HAUS6: variants seen among roughly 807,000 people sequenced by gnomAD.
HAUS6 encodes HAUS augmin-like complex subunit 6.
Under a neutral mutation model 106.8 loss-of-function variants are expected in HAUS6, and 80 were observed. The observed-to-expected ratio is 0.75, with a 90% CI of 0.63 to 0.90. The LOEUF is 0.90. HAUS6 is among the 40% of genes least tolerant of loss of function. HAUS6 has a pLI of 0.00. For missense variants in HAUS6, 1,155 were observed against 1,118.1 expected (o/e 1.03, Z -0.47); for synonymous variants, 356 against 379.1 (o/e 0.94, Z 0.71).
chr9:19,089,323 G>GA, intron 5 of HAUS6, 89 bp downstream of exon 5: 1 of 801,316 alleles, frequency 1.2e-6, no homozygotes, highest in Non-Finnish European at 2.0e-6. Flanking sequence ...AGGTTTTCAG[G>GA]TAGGCATGGA....
At chr9:19,094,451 AGCCTC>A in intron 2 of HAUS6, 56 bp from the exon 3 acceptor site, 1 of 993,266 alleles carries the variant, frequency 1.0e-6, no homozygotes, top group South Asian at 1.4e-5. Context: ...CAAAAAAAAA[AGCCTC>A]AGCAAATTTT....
intron 14 of HAUS6, among the ~76,000 whole-genome samples, chr9:19,060,479 G>A (rs1172965282): frequency 1.3e-5 from 2 of 152,200 alleles, no homozygotes; most frequent in South Asian, 2.1e-4. Context: ...GAATAGATAA[G>A]AATCTTTATG....
At chr9:19,075,586 G>C (rs1480850651) in intron 11 of HAUS6, among the ~76,000 whole-genome samples, 1 of 152,000 alleles carries the variant, frequency 6.6e-6, no homozygotes. Context: ...AAAGAAGCCA[G>C]AAACAACAGG....
intron 11 of HAUS6, chr9:19,073,867 TTA>T (rs2131121096): frequency 6.6e-6 from 1 of 152,204 alleles, no homozygotes; most frequent in African/African-American, 2.4e-5. Context: ...TGCACATATA[TTA>T]AAATTGGAAC....
intron 11 of HAUS6, among the ~76,000 whole-genome samples, chr9:19,075,120 T>C (rs1315690980): frequency 6.6e-6 from 1 of 151,914 alleles, no homozygotes; most frequent in Non-Finnish European, 1.5e-5. Context: ...CTATGCTAAG[T>C]GAAAGAAGCC....
chr9:19,098,895 G>T (rs576871337), intron 1 of HAUS6, among the ~76,000 whole-genome samples: 3 of 151,652 alleles, frequency 2.0e-5, no homozygotes, highest in African/African-American at 7.2e-5. Context: ...GGTGGCGCAT[G>T]CCTAAAATCC....
intron 1 of HAUS6, among the ~76,000 whole-genome samples, chr9:19,101,878 C>T (rs1211965155): frequency 6.6e-6 from 1 of 152,132 alleles, no homozygotes; most frequent in African/African-American, 2.4e-5. Flanking sequence ...CGAGATCGTG[C>T]CACTGCACTC....
chr9:19,096,594 A>C, intron 2 of HAUS6, 80 bp downstream of exon 2: 4 of 511,352 alleles, frequency 7.8e-6, no homozygotes, highest in Non-Finnish European at 1.0e-5. Context: ...AAAAAAGGAG[A>C]GAATTCTGGC....
intron 4 of HAUS6, 55 bp downstream of exon 4, chr9:19,093,116 A>G (rs1588626215): frequency 8.1e-7 from 1 of 1,228,888 alleles, no homozygotes; most frequent in East Asian, 2.5e-5. Flanking sequence ...AAAATTGTAA[A>G]GAACAATAAA....
At chr9:19,093,444 C>T (rs967892924) in intron 3 of HAUS6, 141 bp from the exon 4 acceptor site, 12 of 748,374 alleles carry the variant, frequency 1.6e-5, no homozygotes, top group Admixed American at 8.7e-5. Flanking sequence ...TATAGGTTGG[C>T]GTGGGGTTCC....
At position 19,089,547 on chromosome 9, in the gene HAUS6, T is replaced by A. The variant is rs755574064; in HGVS notation, c.449A>T (p.His150Leu). 5.6e-6 allele frequency: 9 copies of A among 1,609,608 alleles called. No homozygotes were observed. The highest frequency in any genetic ancestry group is 7.6e-6 in the Non-Finnish European group (9 of 1,176,838). The change falls in exon 5 of 17, where the codon CAT becomes CTT. Residue 150 changes from histidine to leucine, a missense_variant. By Grantham distance (99) the His-to-Leu change is moderately conservative (BLOSUM62 -3). This residue lies in a region of HAUS6 where 761 missense variants were observed against 690.0 expected (regional missense o/e 1.10). Coordinates refer to ENST00000380502, the MANE Select transcript of HAUS6 (RefSeq NM_017645.5). ...TTTTATGTTAAATGTCTCTACAAAA[T>A]GATGAGAAGAATCTACACAGAACAC... ...IKSNSKNSSH[H>L]FVETFNIKPQ...
At chr9:19,090,126 T>TA (rs1817713002) in intron 4 of HAUS6, among the ~76,000 whole-genome samples, 1 of 151,854 alleles carries the variant, frequency 6.6e-6, no homozygotes, top group Admixed American at 6.6e-5. Flanking sequence ...GGCCACCACA[T>TA]TCAGCCTGAC....
intron 9 of HAUS6, among the ~76,000 whole-genome samples, chr9:19,079,965 G>A (rs572476361): frequency 4.8e-5 from 7 of 146,544 alleles, no homozygotes; most frequent in East Asian, 4.1e-4. Context: ...ATCTGAGGTC[G>A]GGAGTTCGAG....
At chr9:19,099,229 C>T (rs905903652) in intron 1 of HAUS6, among the ~76,000 whole-genome samples, 3 of 150,394 alleles carry the variant, frequency 2.0e-5, no homozygotes, top group South Asian at 2.1e-4. Context: ...TGCAGCGGCG[C>T]GATCTCGGCT....
chr9:19,088,363 C>T (rs1257151758), intron 5 of HAUS6, among the ~76,000 whole-genome samples: 1 of 151,296 alleles, frequency 6.6e-6, no homozygotes, highest in Non-Finnish European at 1.5e-5. Context: ...TTGCAGTGAG[C>T]CGAGATTGTG....
chr9:19,094,048 T>C (rs1161229988), intron 3 of HAUS6, among the ~76,000 whole-genome samples: 1 of 152,212 alleles, frequency 6.6e-6, no homozygotes, highest in Non-Finnish European at 1.5e-5. Flanking sequence ...AATATACGGT[T>C]GGAAAAGTTT....
chr9:19,059,967 G>T, intron 15 of HAUS6, 121 bp downstream of exon 15: 1 of 693,280 alleles, frequency 1.4e-6, no homozygotes, highest in Non-Finnish European at 2.4e-6. Context: ...TTAGTACGTC[G>T]ATTACAACAG....
intron 1 of HAUS6, among the ~76,000 whole-genome samples, chr9:19,100,361 C>T (rs1048391485): frequency 6.6e-6 from 1 of 152,146 alleles, no homozygotes; most frequent in Non-Finnish European, 1.5e-5. Flanking sequence ...GCCAGACTAT[C>T]TCAAAAAATA....
chr9:19,084,465 T>A (rs1207303038), intron 7 of HAUS6, among the ~76,000 whole-genome samples: 1 of 152,152 alleles, frequency 6.6e-6, no homozygotes, highest in Non-Finnish European at 1.5e-5. Flanking sequence ...TTGTGAAAAT[T>A]TGTCAAGCTA....
Sources: allele counts gnomAD v4.1 joint callset (sites outside exome capture counted in the v4.1 genomes callset), GRCh38; gene constraint gnomAD v4.1.1; regional missense constraint gnomAD v4.1.1; transcripts MANE v1.5; gene names NCBI Gene and HGNC (gene_info 2026-07-23, HGNC 2026-07-21).